SYNPR: variants seen among roughly 807,000 people sequenced by gnomAD.
SYNPR encodes the protein synaptoporin.
A neutral mutation model predicts 32.9 loss-of-function variants in SYNPR; 23 were observed. The ratio of observed to expected loss-of-function variants is 0.70; its 90% CI spans 0.50 to 0.99. The LOEUF is 0.99. Among genes scored for constraint, SYNPR ranks in the 50% least tolerant of loss-of-function variants. SYNPR has a pLI of 0.00. For synonymous variants in SYNPR, 146 were observed against 135.9 expected (o/e 1.07, Z -0.52); for missense variants, 318 against 349.3 (o/e 0.91, Z 0.71).
intron 3 of SYNPR, among the ~76,000 whole-genome samples, chr3:63,550,737 G>A (rs918150362): frequency 1.3e-5 from 2 of 152,182 alleles, no homozygotes; most frequent in African/African-American, 4.8e-5. Context: ...ACTATCAAGC[G>A]CAGATAATTG....
intron 1 of SYNPR, among the ~76,000 whole-genome samples, chr3:63,247,011 G>A (rs908445138): frequency 1.3e-5 from 2 of 151,878 alleles, no homozygotes; most frequent in African/African-American, 4.8e-5. Context: ...AATCACCATG[G>A]CACATGTTTA....
chr3:63,475,301 T>C (rs979952843), intron 2 of SYNPR, among the ~76,000 whole-genome samples: 1 of 152,120 alleles, frequency 6.6e-6, no homozygotes, highest in Admixed American at 6.5e-5. Context: ...TTGCAGGTGA[T>C]TTATTTTGGT....
intron 4 of SYNPR, among the ~76,000 whole-genome samples, chr3:63,596,005 A>G (rs530882222): frequency 1.4e-4 from 18 of 132,820 alleles, no homozygotes; most frequent in African/African-American, 4.8e-4. Context: ...ATATATATAT[A>G]TAATTATACT....
At chr3:63,511,516 T>C (rs781189753) in intron 3 of SYNPR, among the ~76,000 whole-genome samples, 1 of 152,198 alleles carries the variant, frequency 6.6e-6, no homozygotes, top group African/African-American at 2.4e-5. Context: ...ATAATGCACG[T>C]ATTTATAATC....
chr3:63,211,758 T>C, the SYNPR span, among the ~76,000 whole-genome samples: 1 of 148,364 alleles, frequency 6.7e-6, no homozygotes, highest in South Asian at 2.2e-4. Flanking sequence ...GTGCACATTG[T>C]GCAGGTTAGT....
At chr3:63,242,337 A>T (rs1324310991) in intron 1 of SYNPR, among the ~76,000 whole-genome samples, 2 of 152,052 alleles carry the variant, frequency 1.3e-5, no homozygotes, top group Non-Finnish European at 2.9e-5. Flanking sequence ...GGTCCTATTT[A>T]TACAGGGAAC....
intron 2 of SYNPR, among the ~76,000 whole-genome samples, chr3:63,434,127 G>C (rs893626031): frequency 5.9e-5 from 9 of 152,174 alleles, no homozygotes; most frequent in African/African-American, 2.2e-4. Context: ...GGGAGAAACA[G>C]ACTTTCATCC....
chr3:63,421,069 A>G (rs907280004), intron 2 of SYNPR, among the ~76,000 whole-genome samples: 2 of 151,984 alleles, frequency 1.3e-5, no homozygotes, highest in African/African-American at 4.8e-5. Context: ...TCTTGTAGAG[A>G]TGGAGTCTCC....
At chr3:63,466,122 A>G (rs1030747085) in intron 2 of SYNPR, among the ~76,000 whole-genome samples, 10 of 152,072 alleles carry the variant, frequency 6.6e-5, no homozygotes, top group African/African-American at 9.7e-5. Context: ...ATGTGTTCTC[A>G]TCATTTAGCT....
chr3:63,558,854 GA>G (rs34796321), intron 4 of SYNPR, among the ~76,000 whole-genome samples: 13,044 of 146,720 alleles, frequency 0.089, 683 homozygotes, highest in Middle Eastern at 0.12. Context: ...ATGCTTTCCA[GA>G]AAAAAAAAAT....
At chr3:63,345,293 C>T (rs188745032) in intron 2 of SYNPR, among the ~76,000 whole-genome samples, 2 of 152,344 alleles carry the variant, frequency 1.3e-5, no homozygotes, top group East Asian at 3.9e-4. Flanking sequence ...TCATAAATAG[C>T]ATTCCTTCCA....
chr3:63,280,432 C>A lies in SYNPR; in HGVS notation c.84+1690C>A, dbSNP rs151141059. Reference sequence around the variant, plus strand: ...CACCACTCTAAGCTATACCAGATCCCTCCAAAACTCAAAAGCCCCTTTTAC... The same window carrying A: ...CACCACTCTAAGCTATACCAGATCCATCCAAAACTCAAAAGCCCCTTTTAC... On this transcript the variant is annotated intron_variant, in intron 2 of 5. Coordinates refer to ENST00000478300, the MANE Select transcript of SYNPR (RefSeq NM_001130003.2). Among the ~76,000 whole-genome samples, 504 of 152,142 alleles carry A rather than the reference C, an allele frequency of 3.3e-3. 1 individual carries two copies. The highest frequency in any genetic ancestry group is 5.4e-3 in the Non-Finnish European group (370 of 68,006).
rs200801219 is a variant in SYNPR, at chr3:63,468,192, C to G, written c.85-12640C>G. 0.015 allele frequency among the ~76,000 whole-genome samples: 1,187 copies of G among 81,188 alleles called. 55 individuals carry two copies. The East Asian group carries it at 0.18, about 12-fold the overall frequency. 53.3% of individuals were successfully genotyped at this position (81,188 alleles called of 152,430 possible). On this transcript the variant is annotated intron_variant, in intron 2 of 5. Coordinates refer to ENST00000478300, the MANE Select transcript of SYNPR (RefSeq NM_001130003.2). ...CTGGGCAACAAGAGCAAAACTCCAT[C>G]TCAAAAAAAAAAAAAAAAAAAAGAA...
chr3:63,460,941 T>A (rs1700573188), intron 2 of SYNPR, among the ~76,000 whole-genome samples: 1 of 152,042 alleles, frequency 6.6e-6, no homozygotes, highest in East Asian at 1.9e-4. Flanking sequence ...AATACAGAGA[T>A]GTACACAGAT....
chr3:63,409,587 C>T (rs1050553040), intron 2 of SYNPR, among the ~76,000 whole-genome samples: 11 of 152,156 alleles, frequency 7.2e-5, no homozygotes, highest in African/African-American at 1.4e-4. Flanking sequence ...AATTCACACA[C>T]TCCTTATATC....
chr3:63,595,900 T>C, intron 4 of SYNPR, among the ~76,000 whole-genome samples: 1 of 93,722 alleles, frequency 1.1e-5, no homozygotes, highest in Non-Finnish European at 2.2e-5. Context: ...GTTTTATATA[T>C]ATAGTTATAT....
intron 3 of SYNPR, among the ~76,000 whole-genome samples, chr3:63,269,473 A>G (rs535913660): frequency 3.8e-4 from 58 of 152,112 alleles, no homozygotes; most frequent in African/African-American, 1.2e-3. Context: ...GTGAGACTCC[A>G]TCTCAAAAAA....
At chr3:63,357,470 T>C (rs1448062212) in intron 2 of SYNPR, among the ~76,000 whole-genome samples, 4 of 152,152 alleles carry the variant, frequency 2.6e-5, no homozygotes, top group Non-Finnish European at 4.4e-5. Flanking sequence ...CGTCACATTT[T>C]TATGTAGCTT....
At chr3:63,203,623 A>G in the SYNPR span, among the ~76,000 whole-genome samples, 1 of 152,158 alleles carries the variant, frequency 6.6e-6, no homozygotes, top group East Asian at 1.9e-4. Flanking sequence ...TTCATTCACT[A>G]AAGAAGTCCA....
Sources: gnomAD v4.1 joint callset for allele counts (sites outside exome capture counted in the v4.1 genomes callset) on GRCh38, gnomAD v4.1.1 for gene constraint, MANE v1.5 for transcripts, NCBI Gene and HGNC (gene_info 2026-07-23, HGNC 2026-07-21) for gene names.